The following DCC variants were observed in gnomAD, a reference collection of about 807,000 sequenced individuals.
DCC encodes the protein DCC netrin 1 receptor, also known as netrin receptor DCC.
In DCC, 58 loss-of-function variants were observed where a neutral mutation model predicts 172.5. That is an observed-to-expected ratio of 0.34 (90% CI 0.27 to 0.42). The LOEUF (loss-of-function observed/expected upper bound fraction) is 0.42, where lower values mean the gene tolerates loss of function less well. Ranked by LOEUF, DCC falls within the 10% of genes least tolerant of loss-of-function variation. DCC has a pLI of 1.00. For synonymous variants in DCC, 709 were observed against 644.5 expected, an observed-to-expected ratio of 1.10 and a Z score of -1.52; for missense variants, 1,740 against 1,791.0, an observed-to-expected ratio of 0.97 and a Z score of 0.51.
intron 2 of DCC, among the ~76,000 whole-genome samples, chr18:52,829,107 C>A (rs551489628): frequency 2.0e-5 from 3 of 152,152 alleles, no homozygotes; most frequent in Non-Finnish European, 4.4e-5. Context: ...ATACTTTAAT[C>A]ATTTCCCTAT....
intron 1 of DCC, among the ~76,000 whole-genome samples, chr18:52,355,736 GA>G (rs992525944): frequency 1.7e-4 from 26 of 150,314 alleles, no homozygotes; most frequent in Middle Eastern, 3.4e-3. Context: ...AAGCATGTAA[GA>G]AAAAAAAAGG....
At chr18:53,469,507 GAAAAGAA>G (rs1384859249) in intron 25 of DCC, among the ~76,000 whole-genome samples, 2 of 152,074 alleles carry the variant, frequency 1.3e-5, no homozygotes, top group East Asian at 3.9e-4. Context: ...ATATCAGGAA[GAAAAGAA>G]AAGCATTCAG....
At chr18:53,478,387 AC>A (rs2045792287) in intron 25 of DCC, among the ~76,000 whole-genome samples, 1 of 152,136 alleles carries the variant, frequency 6.6e-6, no homozygotes, top group Admixed American at 6.6e-5. Context: ...GCCATTTTCA[AC>A]CCATTTTCTT....
At position 52,408,821 on chromosome 18, in the gene DCC, T is replaced by C. The variant is rs58094026; in HGVS notation, c.91+67943T>C. ...TGCATTTTGTGATAGATTTGTAAAC[T>C]ATCTGTAAGGAATCTTTTCACTGGA... On this transcript the variant is annotated intron_variant, in intron 1 of 28. Transcript: ENST00000442544. Among the ~76,000 whole-genome samples, 16 of 152,248 alleles carry C rather than the reference T, an allele frequency of 1.1e-4. No individual in the cohort carries two copies. The East Asian group carries it at 1.5e-3, about 15-fold the overall frequency.
intron 2 of DCC, chr18:52,759,105 T>TACTA (rs2037119659): frequency 6.6e-6 from 1 of 152,176 alleles, no homozygotes; most frequent in Non-Finnish European, 1.5e-5. Context: ...GTTATATGTT[T>TACTA]ACTAGTCTTA....
At chr18:52,648,482 A>C (rs1483342008) in intron 1 of DCC, among the ~76,000 whole-genome samples, 1 of 152,216 alleles carries the variant, frequency 6.6e-6, no homozygotes, top group African/African-American at 2.4e-5. Context: ...AAGCAGACCG[A>C]AAGCACATGT....
At chr18:52,449,850 G>A (rs1007309776) in intron 1 of DCC, among the ~76,000 whole-genome samples, 2 of 152,176 alleles carry the variant, frequency 1.3e-5, no homozygotes, top group Non-Finnish European at 2.9e-5. Flanking sequence ...CTGCCACCAT[G>A]TAAGACATCC....
At chr18:52,917,287 C>T (rs905694566) in intron 3 of DCC, among the ~76,000 whole-genome samples, 2 of 151,854 alleles carry the variant, frequency 1.3e-5, no homozygotes, top group African/African-American at 4.8e-5. Context: ...CCACTGCAAC[C>T]CAGCCTGGGC....
At chr18:52,775,724 C>T (rs764894195) in intron 2 of DCC, among the ~76,000 whole-genome samples, 3 of 152,208 alleles carry the variant, frequency 2.0e-5, no homozygotes, top group East Asian at 1.9e-4. Flanking sequence ...TGTCTTCTTC[C>T]GCCGATGTGC....
intron 2 of DCC, among the ~76,000 whole-genome samples, chr18:52,892,836 T>G (rs1481658301): frequency 6.6e-6 from 1 of 152,148 alleles, no homozygotes; most frequent in Non-Finnish European, 1.5e-5. Context: ...ATGCACAGTA[T>G]GAAAATGCAT....
chr18:53,425,841 C>T (rs62098273), intron 21 of DCC, among the ~76,000 whole-genome samples: 65,645 of 151,842 alleles, frequency 0.43, 15,969 homozygotes, highest in Non-Finnish European at 0.55. Context: ...ATTAATATTG[C>T]CATATTTATT....
At chr18:53,175,305 T>C (rs1568347024) in intron 8 of DCC, among the ~76,000 whole-genome samples, 2 of 151,706 alleles carry the variant, frequency 1.3e-5, no homozygotes, top group South Asian at 4.2e-4. Context: ...CTATTCAACA[T>C]AGTGTTGGAA....
intron 1 of DCC, among the ~76,000 whole-genome samples, chr18:52,417,332 A>G (rs1194479089): frequency 6.6e-6 from 1 of 152,088 alleles, no homozygotes; most frequent in Non-Finnish European, 1.5e-5. Context: ...ACTTTGGTGA[A>G]TCAGACAATT....
At chr18:52,977,197 A>T (rs2041132676) in intron 5 of DCC, among the ~76,000 whole-genome samples, 1 of 152,024 alleles carries the variant, frequency 6.6e-6, no homozygotes, top group South Asian at 2.1e-4. Flanking sequence ...GCTGGGAAAA[A>T]TATTGAGAGG....
chr18:52,759,598 C>A, intron 2 of DCC, among the ~76,000 whole-genome samples: 1 of 152,104 alleles, frequency 6.6e-6, no homozygotes, highest in East Asian at 1.9e-4. Context: ...ACATCTAACA[C>A]AACTCAGTAA....
chr18:52,805,841 A>G (rs2038074576), intron 2 of DCC, among the ~76,000 whole-genome samples: 1 of 152,232 alleles, frequency 6.6e-6, no homozygotes, highest in East Asian at 1.9e-4. Context: ...AGGGATCTCA[A>G]GAGATAGGCA....
At chr18:52,431,401 T>C (rs1987618578) in intron 1 of DCC, among the ~76,000 whole-genome samples, 1 of 152,176 alleles carries the variant, frequency 6.6e-6, no homozygotes, top group Admixed American at 6.5e-5. Context: ...GGGGGTGTAA[T>C]AGTTAGGCTC....
At chr18:53,084,865 T>C (rs79098929) in intron 7 of DCC, among the ~76,000 whole-genome samples, 56 of 152,360 alleles carry the variant, frequency 3.7e-4, no homozygotes, top group Non-Finnish European at 5.4e-4. Context: ...ATTTTGCATC[T>C]ACATTCTGAT....
rs376690246 is a variant in DCC, at chr18:52,752,082, G to A, written c.120G>A (p.Leu40=). Residue 40 remains leucine, a synonymous_variant, in exon 2 of 29, where the codon CTG becomes CTA. Coordinates refer to ENST00000442544, the MANE Select transcript of DCC (RefSeq NM_005215.4). ...TTCAAATTAAAGCTTTCACAGCACT[G>A]CGCTTCCTCTCAGAACCTTCTGATG... The part of the protein sequence containing the change: ...TGFQIKAFTA[L]RFLSEPSDAV... 7.4e-5 allele frequency: 120 copies of A among 1,613,980 alleles called. No individual in the cohort carries two copies. Among genetic ancestry groups the A allele is most frequent in the Middle Eastern group, 3.3e-4 (2 of 6,084 alleles).
Sources: allele counts gnomAD v4.1 joint callset (sites outside exome capture counted in the v4.1 genomes callset), GRCh38; gene constraint gnomAD v4.1.1; transcripts MANE v1.5; gene names NCBI Gene and HGNC (gene_info 2026-07-23, HGNC 2026-07-21).